The following CHRDL1 variants were observed in gnomAD, a reference collection of about 807,000 sequenced individuals.
The protein encoded by CHRDL1 is chordin-like protein 1.
In CHRDL1, 19 loss-of-function variants were observed where a neutral mutation model predicts 40.9. The ratio of observed to expected loss-of-function variants is 0.46; its 90% CI spans 0.32 to 0.68. The LOEUF (loss-of-function observed/expected upper bound fraction) is 0.68. CHRDL1 is among the 30% of genes least tolerant of loss of function. CHRDL1 has a pLI of 0.03. For missense variants in CHRDL1, 329 were observed against 352.1 expected (o/e 0.93, Z 0.53); for synonymous variants, 136 against 123.4 (o/e 1.10, Z -0.68).
chrX:110,682,978 A>G lies in CHRDL1; in HGVS notation c.989-1329T>C, dbSNP rs1333726121. On this transcript the variant is annotated intron_variant, in intron 9 of 11. Coordinates refer to ENST00000372042, the MANE Select transcript of CHRDL1 (RefSeq NM_001143981.2). ...AGAGAGGGAAGAGGTCACTGAGTGTACAGAGACTTCTGTGTATTCAATTAT... is the reference window on the plus strand; with the variant it reads ...AGAGAGGGAAGAGGTCACTGAGTGTGCAGAGACTTCTGTGTATTCAATTAT... 4.5e-5 allele frequency among the ~76,000 whole-genome samples: 5 copies of G among 112,351 alleles called. No homozygotes were observed. The East Asian group carries it at 1.4e-3, about 31-fold the overall frequency.
intron 2 of CHRDL1, among the ~76,000 whole-genome samples, chrX:110,784,578 A>C (rs2089989423): frequency 9.1e-6 from 1 of 109,687 alleles, no homozygotes; most frequent in Non-Finnish European, 1.9e-5. Context: ...CGCCCACCTA[A>C]ATTTTTTGTA....
chrX:110,721,031 T>C (rs942925956), intron 5 of CHRDL1, among the ~76,000 whole-genome samples: 9 of 112,081 alleles, frequency 8.0e-5, no homozygotes, highest in African/African-American at 2.9e-4. Flanking sequence ...AAAGTGACTT[T>C]TCCACCCATA....
intron 4 of CHRDL1, among the ~76,000 whole-genome samples, chrX:110,752,882 G>C (rs1160639895): frequency 9.0e-6 from 1 of 111,435 alleles, no homozygotes; most frequent in East Asian, 2.8e-4. Context: ...GAGCAATGGA[G>C]ATCAGATATG....
Position 110,773,945 on chromosome X carries a change from GATGGATCTATAA to G in CHRDL1, c.95-11150_95-11139del, listed in dbSNP as rs2089802897. Among the ~76,000 whole-genome samples, 5 of 110,465 alleles carry G rather than the reference GATGGATCTATAA, an allele frequency of 4.5e-5. No individual in the cohort carries two copies. In the South Asian group the frequency reaches 1.9e-3, roughly 43 times the overall value. Reference sequence around the variant, plus strand: ...CTATGTCCTTACTGATTTTCTGCCTGATGGATCTATAAATTACTAATAAAGGGGTATAGAAGC... The same window carrying G: ...CTATGTCCTTACTGATTTTCTGCCTGATTACTAATAAAGGGGTATAGAAGC... On this transcript the variant is annotated intron_variant, in intron 2 of 11. Transcript: ENST00000372042.
intron 4 of CHRDL1, among the ~76,000 whole-genome samples, chrX:110,725,635 T>A (rs1256474107): frequency 9.0e-6 from 1 of 111,667 alleles, no homozygotes; most frequent in East Asian, 2.8e-4. Flanking sequence ...AAAATGATCA[T>A]TTCCATAGTA....
At chrX:110,748,666 T>C (rs1173629108) in intron 4 of CHRDL1, among the ~76,000 whole-genome samples, 1 of 112,048 alleles carries the variant, frequency 8.9e-6, no homozygotes, top group Non-Finnish European at 1.9e-5. Flanking sequence ...TCTTCCCCAT[T>C]TGAAAAAGAG....
At position 110,760,656 on chromosome X, in the gene CHRDL1, G is replaced by A. The variant is rs191216851; in HGVS notation, c.208-902C>T. Among the ~76,000 whole-genome samples, 550 of 111,913 alleles carry A rather than the reference G, an allele frequency of 4.9e-3. 3 individuals carry two copies. Among genetic ancestry groups the A allele is most frequent in the African/African-American group, 0.016 (502 of 30,816 alleles). On this transcript the variant is annotated intron_variant, in intron 3 of 11. Coordinates refer to ENST00000372042, the MANE Select transcript of CHRDL1 (RefSeq NM_001143981.2). Reference sequence around the variant, plus strand: ...TCGAAATGTGTCGCGTCAAGAATCCGACAAAATCAGGCCATCCCAGGCAGT... The same window carrying A: ...TCGAAATGTGTCGCGTCAAGAATCCAACAAAATCAGGCCATCCCAGGCAGT...
intron 2 of CHRDL1, among the ~76,000 whole-genome samples, chrX:110,773,178 A>G (rs1193204664): frequency 8.9e-6 from 1 of 112,007 alleles, no homozygotes; most frequent in Admixed American, 9.4e-5. Flanking sequence ...TGTATTATTC[A>G]GTTTAAATCT....
rs2069775196 is a variant in CHRDL1 at position 110,676,274 on chromosome X, A to T, written c.1334T>A (p.Val445Asp). 2 of 1,209,442 alleles carry T rather than the reference A, an allele frequency of 1.7e-6. No individual in the cohort carries two copies. Among genetic ancestry groups the T allele is most frequent in the Non-Finnish European group, 2.2e-6 (2 of 893,573 alleles). Residue 445 changes from valine to aspartate, a missense_variant, in exon 12 of 12, where the codon GTC (valine) becomes GAC (aspartate). Coordinates refer to ENST00000372042, the MANE Select transcript of CHRDL1 (RefSeq NM_001143981.2). ...RVCRTELEDL[V>D]KVLYLERSEK... The stretch of plus-strand genomic sequence containing the variant: ...AGATCTCTCCAGGTACAAAACCTTG[A>T]CTAAATCTTCAAGCTCTGTTCTGCA...
intron 8 of CHRDL1, among the ~76,000 whole-genome samples, chrX:110,689,614 C>CTA (rs773397795): frequency 0.09 from 415 of 4,617 alleles, 9 homozygotes; most frequent in East Asian, 0.11. Flanking sequence ...ATCTATATAT[C>CTA]TATATATCTA....
chrX:110,679,779 A>G (rs778768006), intron 10 of CHRDL1, among the ~76,000 whole-genome samples: 2 of 111,634 alleles, frequency 1.8e-5, no homozygotes, highest in Non-Finnish European at 3.8e-5. Context: ...CTTGCCCCCA[A>G]CCTGGATAGA....
chrX:110,791,452 ACT>A (rs2090099146), intron 2 of CHRDL1, among the ~76,000 whole-genome samples: 1 of 110,658 alleles, frequency 9.0e-6, no homozygotes, highest in Non-Finnish European at 1.9e-5. Context: ...ACTTCCTGCC[ACT>A]CTCTGCTTTC....
At chrX:110,773,955 T>C (rs1255399747) in intron 2 of CHRDL1, among the ~76,000 whole-genome samples, 1 of 110,872 alleles carries the variant, frequency 9.0e-6, no homozygotes, top group Non-Finnish European at 1.9e-5. Flanking sequence ...GATGGATCTA[T>C]AAATTACTAA....
At chrX:110,769,157 T>C (rs890377039) in intron 2 of CHRDL1, among the ~76,000 whole-genome samples, 2 of 112,361 alleles carry the variant, frequency 1.8e-5, no homozygotes, top group African/African-American at 3.2e-5. Flanking sequence ...TAAGCAATTA[T>C]AGGCAATATG....
chrX:110,760,360 C>G (rs768330774), intron 3 of CHRDL1, among the ~76,000 whole-genome samples: 1 of 112,446 alleles, frequency 8.9e-6, no homozygotes, highest in African/African-American at 3.2e-5. Context: ...AATTACAAGA[C>G]CCCTCGCTCT....
chrX:110,689,085 T>A (rs748832078), intron 8 of CHRDL1, among the ~76,000 whole-genome samples: 12 of 85,072 alleles, frequency 1.4e-4, no homozygotes, highest in African/African-American at 5.3e-4. Context: ...TATATATATA[T>A]ATATATATAT....
At chrX:110,689,496 A>G (rs1305273777) in intron 8 of CHRDL1, among the ~76,000 whole-genome samples, 1 of 52,910 alleles carries the variant, frequency 1.9e-5, no homozygotes, top group Non-Finnish European at 2.9e-5. Flanking sequence ...ATATCTCTAT[A>G]TATCTATATA....
chrX:110,787,470 A>G (rs1313538817), intron 2 of CHRDL1, among the ~76,000 whole-genome samples: 3 of 112,255 alleles, frequency 2.7e-5, no homozygotes, highest in Non-Finnish European at 3.8e-5. Flanking sequence ...CTTTCGTCTA[A>G]TTCCACTTAA....
At chrX:110,698,030 G>A (rs751478331) in intron 7 of CHRDL1, among the ~76,000 whole-genome samples, 3 of 111,593 alleles carry the variant, frequency 2.7e-5, no homozygotes, top group African/African-American at 9.8e-5. Context: ...TTGCTAAGCC[G>A]ATGGTTTTCA....
Sources: allele counts gnomAD v4.1 joint callset (sites outside exome capture counted in the v4.1 genomes callset), GRCh38; gene constraint gnomAD v4.1.1; transcripts MANE v1.5; gene names NCBI Gene and HGNC (gene_info 2026-07-23, HGNC 2026-07-21).